Variants in HNRNPA2B1 observed in about 807,000 individuals in gnomAD.
HNRNPA2B1 encodes the protein heterogeneous nuclear ribonucleoprotein A2/B1.
Under a neutral mutation model 46.3 loss-of-function variants are expected in HNRNPA2B1, and 3 were observed. The observed-to-expected ratio is 0.06, with a 90% CI of 0.03 to 0.17. The LOEUF is 0.17. HNRNPA2B1 is among the 10% of genes least tolerant of loss of function. The pLI, the probability that HNRNPA2B1 is intolerant of heterozygous loss-of-function variation, is 1.00. For synonymous variants in HNRNPA2B1, 225 were observed against 133.8 expected, an observed-to-expected ratio of 1.68 and a Z score of -4.70; for missense variants, 221 against 418.9, an observed-to-expected ratio of 0.53 and a Z score of 4.12.
Position 26,196,800 on chromosome 7 carries a change from C to A in HNRNPA2B1, c.475+7G>T. ...AAAAAACAGTACATTTGTGGTTAGA[C>A]ACTTACATACGATTTTATCCACAGG... On this transcript the variant is annotated splice_region_variant and intron_variant, in intron 4 of 10. Coordinates refer to ENST00000618183, the MANE Select transcript of HNRNPA2B1 (RefSeq NM_002137.4). 1 of 1,610,956 alleles carries A rather than the reference C, an allele frequency of 6.2e-7. No individual in the cohort carries two copies. The highest frequency in any genetic ancestry group is 8.5e-7 in the Non-Finnish European group (1 of 1,177,698).
At chr7:26,197,139 C>T in intron 3 of HNRNPA2B1, 122 bp from the exon 4 acceptor site, 2 of 1,103,180 alleles carry the variant, frequency 1.8e-6, no homozygotes, top group Admixed American at 2.3e-5. Context: ...TATAAAATAG[C>T]TTTTAGGGAC....
At chr7:26,197,085 C>A in intron 3 of HNRNPA2B1, 68 bp from the exon 4 acceptor site, 1 of 1,275,562 alleles carries the variant, frequency 7.8e-7, no homozygotes, top group Non-Finnish European at 1.1e-6. Flanking sequence ...AAGCACCCAA[C>A]CGTAGTACCA....
chr7:26,195,684 C>T, intron 7 of HNRNPA2B1, 163 bp downstream of exon 7: 1 of 700,564 alleles, frequency 1.4e-6, no homozygotes, highest in East Asian at 2.9e-5. Flanking sequence ...GCTATAACAG[C>T]TAAGATGGCA....
In HNRNPA2B1 at chr7:26,190,935, G is replaced by C. The variant is rs1314302714; in HGVS notation, c.*1425C>G. On this transcript the variant is annotated 3_prime_UTR_variant, in exon 11 of 11. Transcript: ENST00000618183. ...TGATCCAAGAAATGTGAATACACAA[G>C]GGTGTAACGATGGGAAATCTCATGA... 5.2e-5 allele frequency: 8 copies of C among 152,564 alleles called. No individual in the cohort carries two copies. The highest frequency in any genetic ancestry group is 1.2e-4 in the Non-Finnish European group (8 of 68,008). 9.5% of individuals were successfully genotyped at this position (152,564 alleles called of 1,614,324 possible). A position where few individuals can be genotyped will look rare whatever the true frequency, so the allele number is the denominator to read the frequency against.
At position 26,196,668 on chromosome 7, in the gene HNRNPA2B1, A is replaced by G; in HGVS notation, c.476-10T>C. 1.2e-6 allele frequency: 2 copies of G among 1,606,592 alleles called. No individual in the cohort carries two copies. Among genetic ancestry groups the G allele is most frequent in the Non-Finnish European group, 1.7e-6 (2 of 1,174,428 alleles). ...GTATGGTATTTCTGCACTGGAATGA[A>G]AAATTCAGACTCCTTTTAAATTAAA... On this transcript the variant is annotated splice_polypyrimidine_tract_variant and intron_variant, in intron 4 of 10. Coordinates refer to ENST00000618183, the MANE Select transcript of HNRNPA2B1 (RefSeq NM_002137.4).
intron 8 of HNRNPA2B1, 81 bp downstream of exon 8, chr7:26,193,494 C>T: frequency 6.5e-7 from 1 of 1,538,796 alleles, no homozygotes; most frequent in Non-Finnish European, 8.8e-7. Flanking sequence ...CATCTAGTGA[C>T]AAACATGGAA....
chr7:26,194,292 A>G (rs1783251277), intron 7 of HNRNPA2B1, among the ~76,000 whole-genome samples: 2 of 152,124 alleles, frequency 1.3e-5, no homozygotes, highest in Admixed American at 6.5e-5. Context: ...GCTACTCTGG[A>G]GGCTGAGGCA....
chr7:26,200,298 A>C (rs901739026), intron 1 of HNRNPA2B1: 65 of 520,362 alleles, frequency 1.2e-4, no homozygotes, highest in Non-Finnish European at 2.1e-4. Context: ...TCCGCGCCCC[A>C]CTTTCACCCC....
intron 1 of HNRNPA2B1, chr7:26,199,531 G>A (rs1228005138): frequency 1.3e-5 from 2 of 152,140 alleles, no homozygotes; most frequent in Non-Finnish European, 2.9e-5. Flanking sequence ...GTCCCGTAAG[G>A]GTTAAACTTC....
chr7:26,199,685 TTA>T (rs1473207045), intron 1 of HNRNPA2B1: 7 of 152,266 alleles, frequency 4.6e-5, no homozygotes, highest in African/African-American at 4.8e-5. Flanking sequence ...GGCTTCCAAT[TTA>T]TGTTTATTTT....
At chr7:26,194,303 G>A (rs1783253141) in intron 7 of HNRNPA2B1, among the ~76,000 whole-genome samples, 1 of 152,192 alleles carries the variant, frequency 6.6e-6, no homozygotes, top group African/African-American at 2.4e-5. Flanking sequence ...GGCTGAGGCA[G>A]GAGAATGGCG....
intron 7 of HNRNPA2B1, 89 bp from the exon 8 acceptor site, chr7:26,193,783 T>A: frequency 9.0e-7 from 1 of 1,107,634 alleles, no homozygotes; most frequent in Non-Finnish European, 1.3e-6. Context: ...GCTTTCCAAG[T>A]TTCCATGTGA....
chr7:26,198,069 C>T (rs1418558504), intron 1 of HNRNPA2B1: 8 of 401,112 alleles, frequency 2.0e-5, no homozygotes, highest in Non-Finnish European at 3.5e-5. Context: ...AAATGTAGAC[C>T]GTGATTATCA....
rs1782964760 is a variant in HNRNPA2B1, at chr7:26,191,996, A to T, written c.*364T>A. On this transcript the variant is annotated 3_prime_UTR_variant, in exon 11 of 11. Transcript: ENST00000618183. ...CAAAACTTTGAGAAAAATCTTAAAA[A>T]AGGTTTCACATGTCACCTGAAACTT... The T allele has an allele frequency of 6.5e-6, 1 of 152,748 alleles. No individual in the cohort carries two copies. The highest frequency in any genetic ancestry group is 6.5e-5 in the Admixed American group (1 of 15,292). The allele number at this position is 152,748 out of a possible 1,614,324, so 9.5% of individuals were successfully genotyped here.
Position 26,191,352 on chromosome 7 carries a change from G to A in HNRNPA2B1, c.*1008C>T, listed in dbSNP as rs940336870. ...CTACGTAAGAACCACTATACTGAAA[G>A]ACCATTTAAGAGTATTAGTTTATCT... is the stretch of plus-strand genomic sequence containing the variant. On this transcript the variant is annotated 3_prime_UTR_variant, in exon 11 of 11. Coordinates refer to ENST00000618183, the MANE Select transcript of HNRNPA2B1 (RefSeq NM_002137.4). 1.3e-5 allele frequency: 2 copies of A among 152,084 alleles called. No individual in the cohort carries two copies. Among genetic ancestry groups the A allele is most frequent in the African/African-American group, 2.4e-5 (1 of 41,392 alleles). 9.4% of individuals were successfully genotyped at this position (152,084 alleles called of 1,614,324 possible).
At chr7:26,200,033 GA>G (rs1295717640) in intron 1 of HNRNPA2B1, 13 of 157,714 alleles carry the variant, frequency 8.2e-5, no homozygotes, top group Admixed American at 1.8e-4. Context: ...AGCCCGAGAA[GA>G]AAAAAAAATA....
In HNRNPA2B1 at chr7:26,190,562, G is replaced by C. The variant is rs1562691238; in HGVS notation, c.*1798C>G. 1 of 152,224 alleles carries C rather than the reference G, an allele frequency of 6.6e-6. No homozygotes were observed. Among genetic ancestry groups the C allele is most frequent in the Non-Finnish European group, 1.5e-5 (1 of 68,024 alleles). The allele number at this position is 152,224 out of a possible 1,614,324, so 9.4% of individuals were successfully genotyped here. A position where few individuals can be genotyped will look rare whatever the true frequency, so the allele number is the denominator to read the frequency against. On this transcript the variant is annotated 3_prime_UTR_variant, in exon 11 of 11. Transcript: ENST00000618183. ...TCTTAGGATCAAAGAAGACTCATTGGTGTATAGAGTAAGCCCTGAGTATCA... is the reference window on the plus strand; with the variant it reads ...TCTTAGGATCAAAGAAGACTCATTGCTGTATAGAGTAAGCCCTGAGTATCA...
intron 1 of HNRNPA2B1, chr7:26,198,697 G>A (rs1202338575): frequency 6.6e-6 from 1 of 152,202 alleles, no homozygotes; most frequent in Non-Finnish European, 1.5e-5. Context: ...TGAATGTTAA[G>A]GAAACCTGTC....
chr7:26,193,624 A>G lies in HNRNPA2B1; in HGVS notation c.792T>C (p.Tyr264=). 1.2e-6 allele frequency: 2 copies of G among 1,611,662 alleles called. No individual in the cohort carries two copies. Among genetic ancestry groups the G allele is most frequent in the Non-Finnish European group, 1.7e-6 (2 of 1,179,156 alleles). ...CTCCGTAGCCCCCACCCTGGTTGCC[A>G]TATCCAGGTCCTCCACCACCATATC... The part of the protein sequence containing the change: ...RGGYGGGGPG[Y]GNQGGGYGGG... The change falls in exon 8 of 11, where the codon TAT becomes TAC. Residue 264 remains tyrosine (Y), a synonymous_variant. Transcript: ENST00000618183.
Sources: allele counts gnomAD v4.1 joint callset (sites outside exome capture counted in the v4.1 genomes callset), GRCh38; gene constraint gnomAD v4.1.1; transcripts MANE v1.5; gene names NCBI Gene and HGNC (gene_info 2026-07-23, HGNC 2026-07-21).